The following LINGO2 variants were observed in gnomAD, a reference collection of about 807,000 sequenced individuals.
The protein encoded by LINGO2 is leucine-rich repeat and immunoglobulin-like domain-containing nogo receptor-interacting protein 2.
In LINGO2, 14 loss-of-function variants were observed where a neutral mutation model predicts 30.6. That is an observed-to-expected ratio of 0.46 (90% confidence interval 0.30 to 0.72). The LOEUF is 0.72. Among genes scored for constraint, LINGO2 ranks in the 30% least tolerant of loss-of-function variants. The pLI is 0.07. For synonymous variants in LINGO2, 317 were observed against 288.5 expected (o/e 1.10, Z -1.00); for missense variants, 729 against 751.7 (o/e 0.97, Z 0.35).
the LINGO2 span, among the ~76,000 whole-genome samples, chr9:29,081,977 C>T: frequency 6.6e-6 from 1 of 152,078 alleles, no homozygotes; most frequent in Admixed American, 6.6e-5. Flanking sequence ...TAGGAAGAAA[C>T]AATATCGTGA....
chr9:28,100,471 A>G (rs868481603), intron 4 of LINGO2, among the ~76,000 whole-genome samples: 2 of 152,194 alleles, frequency 1.3e-5, no homozygotes, highest in Admixed American at 6.6e-5. Context: ...TATGTGAAGT[A>G]GAGAGAAATG....
intron 3 of LINGO2, among the ~76,000 whole-genome samples, chr9:28,341,068 T>C (rs1825750394): frequency 6.6e-6 from 1 of 152,096 alleles, no homozygotes; most frequent in Non-Finnish European, 1.5e-5. Context: ...TTTCTTTACA[T>C]ACTGTTATCT....
intron 4 of LINGO2, among the ~76,000 whole-genome samples, chr9:28,289,471 T>A (rs1823639564): frequency 6.6e-6 from 1 of 152,320 alleles, no homozygotes; most frequent in East Asian, 1.9e-4. Flanking sequence ...AAATTATTTG[T>A]GCATTTTCCC....
intron 1 of LINGO2, among the ~76,000 whole-genome samples, chr9:28,577,308 C>G (rs997156367): frequency 2.0e-5 from 3 of 152,198 alleles, no homozygotes; most frequent in South Asian, 2.1e-4. Context: ...TCTTTTCAGA[C>G]TTTTGCATTT....
the LINGO2 span, among the ~76,000 whole-genome samples, chr9:28,791,703 C>T: frequency 1.3e-5 from 2 of 151,896 alleles, no homozygotes; most frequent in Non-Finnish European, 2.9e-5. Context: ...TAGACTGCTT[C>T]AATTTCTAAA....
At chr9:28,497,131 T>C (rs1224572133) in intron 1 of LINGO2, among the ~76,000 whole-genome samples, 3 of 152,192 alleles carry the variant, frequency 2.0e-5, no homozygotes, top group Admixed American at 2.0e-4. Context: ...CTGATAATTA[T>C]GTTTCTTAGA....
chr9:28,357,316 CCCA>C (rs1359277665), intron 3 of LINGO2, among the ~76,000 whole-genome samples: 3 of 28,746 alleles, frequency 1.0e-4, no homozygotes, highest in African/African-American at 4.7e-4. Context: ...AGAAATAAAG[CCCA>C]CCCCCCCCAA....
intron 4 of LINGO2, among the ~76,000 whole-genome samples, chr9:28,047,052 T>C (rs1227563790): frequency 1.3e-5 from 2 of 152,076 alleles, no homozygotes; most frequent in Non-Finnish European, 2.9e-5. Context: ...TAGCAGATTG[T>C]AGGGAACCCA....
intron 4 of LINGO2, among the ~76,000 whole-genome samples, chr9:28,163,607 AC>A (rs1564011378): frequency 6.6e-6 from 1 of 152,158 alleles, no homozygotes; most frequent in South Asian, 2.1e-4. Context: ...CCTTTCAATG[AC>A]TTTTTTAGTT....
intron 4 of LINGO2, among the ~76,000 whole-genome samples, chr9:28,083,874 A>G (rs186591396): frequency 6.6e-6 from 1 of 152,312 alleles, no homozygotes; most frequent in East Asian, 1.9e-4. Flanking sequence ...AAAAAGGAAT[A>G]AAGAACAGTT....
chr9:28,168,859 C>A (rs1224276574), intron 4 of LINGO2, among the ~76,000 whole-genome samples: 1 of 152,214 alleles, frequency 6.6e-6, no homozygotes, highest in Non-Finnish European at 1.5e-5. Context: ...TCACAAAAGG[C>A]ACTGGAATTA....
At chr9:28,470,146 A>G (rs1825464551) in intron 2 of LINGO2, among the ~76,000 whole-genome samples, 1 of 152,164 alleles carries the variant, frequency 6.6e-6, no homozygotes, top group Admixed American at 6.5e-5. Context: ...CTGTATGTGA[A>G]AAAGCTCTGG....
At chr9:28,657,200 T>C (rs1828383722) in intron 1 of LINGO2, among the ~76,000 whole-genome samples, 1 of 151,604 alleles carries the variant, frequency 6.6e-6, no homozygotes, top group African/African-American at 2.4e-5. Flanking sequence ...TATAACAAAA[T>C]TCACCATTTT....
intron 2 of LINGO2, among the ~76,000 whole-genome samples, chr9:28,378,294 G>A (rs10124042): frequency 0.78 from 118,867 of 152,060 alleles, 47,756 homozygotes; most frequent in Middle Eastern, 0.9. Context: ...ATTGTGTTCA[G>A]TTAGTGGACA....
intron 4 of LINGO2, among the ~76,000 whole-genome samples, chr9:28,133,090 C>T (rs1200098961): frequency 2.6e-5 from 4 of 152,088 alleles, no homozygotes; most frequent in East Asian, 1.9e-4. Flanking sequence ...TATATCAAAC[C>T]ACAAAGCAGC....
At chr9:28,702,491 G>A in the LINGO2 span, among the ~76,000 whole-genome samples, 1 of 151,666 alleles carries the variant, frequency 6.6e-6, no homozygotes, top group Non-Finnish European at 1.5e-5. Context: ...AATCCCACTT[G>A]GTTCTGTTGT....
chr9:28,084,890 C>A (rs538667577), intron 4 of LINGO2, among the ~76,000 whole-genome samples: 4 of 152,042 alleles, frequency 2.6e-5, no homozygotes, highest in Non-Finnish European at 5.9e-5. Flanking sequence ...TGGGTGAGGG[C>A]CCTTGGAGAA....
chr9:28,620,795 AAAG>A (rs774066257), intron 1 of LINGO2, among the ~76,000 whole-genome samples: 21 of 152,184 alleles, frequency 1.4e-4, no homozygotes, highest in Non-Finnish European at 2.4e-4. Context: ...ATAGATACAC[AAAG>A]AAGAACAACA....
chr9:29,083,348 C>T, the LINGO2 span, among the ~76,000 whole-genome samples: 3 of 152,114 alleles, frequency 2.0e-5, no homozygotes, highest in Admixed American at 6.6e-5. Context: ...AAACCAAACA[C>T]CGCATGTTCT....
Sources: gnomAD v4.1 joint callset for allele counts (sites outside exome capture counted in the v4.1 genomes callset) on GRCh38, gnomAD v4.1.1 for gene constraint, MANE v1.5 for transcripts, NCBI Gene and HGNC (gene_info 2026-07-23, HGNC 2026-07-21) for gene names.